STOX2: variants seen among roughly 807,000 people sequenced by gnomAD.
The protein encoded by STOX2 is storkhead-box protein 2.
Under a neutral mutation model 60.9 loss-of-function variants are expected in STOX2, and 28 were observed. That is an observed-to-expected ratio of 0.46 (90% CI 0.34 to 0.63). The LOEUF (loss-of-function observed/expected upper bound fraction) is 0.63, where lower values mean the gene tolerates loss of function less well. Ranked by LOEUF, STOX2 falls within the 30% of genes least tolerant of loss-of-function variation. The pLI is 0.01. For synonymous variants in STOX2, 472 were observed against 463.9 expected, an observed-to-expected ratio of 1.02 and a Z score of -0.22; for missense variants, 1,024 against 1,187.7, an observed-to-expected ratio of 0.86 and a Z score of 2.03.
chr4:183,951,129 T>TG (rs1354935491), intron 1 of STOX2, among the ~76,000 whole-genome samples: 11 of 144,750 alleles, frequency 7.6e-5, no homozygotes, highest in East Asian at 4.1e-4. Flanking sequence ...GGCAGGAGAA[T>TG]GGGTGAACCC....
Position 184,017,382 on chromosome 4 carries a change from C to T in STOX2, c.*98C>T. The T allele has an allele frequency of 7.9e-7, 1 of 1,260,878 alleles. No homozygotes were observed. The highest frequency in any genetic ancestry group is 1.1e-6 in the Non-Finnish European group (1 of 928,702). 78.1% of individuals were successfully genotyped at this position (1,260,878 alleles called of 1,614,324 possible). ...TCTTTGGAAAGACAAGCATCTCAACCACAGTTTTTGTGTTTACTTAAACTG... is the reference window on the plus strand; with the variant it reads ...TCTTTGGAAAGACAAGCATCTCAACTACAGTTTTTGTGTTTACTTAAACTG... On this transcript the variant is annotated 3_prime_UTR_variant, in exon 4 of 4. Transcript: ENST00000308497.
intron 1 of STOX2, among the ~76,000 whole-genome samples, chr4:183,858,214 C>T (rs1004839459): frequency 6.6e-6 from 1 of 152,260 alleles, no homozygotes; most frequent in African/African-American, 2.4e-5. Context: ...ATCCACACTT[C>T]AGACAAAGCA....
chr4:183,803,806 C>G (rs1040192598), intron 1 of STOX2, among the ~76,000 whole-genome samples: 14 of 152,032 alleles, frequency 9.2e-5, no homozygotes, highest in Non-Finnish European at 1.8e-4. Context: ...CTACTAAAAA[C>G]ACAAAAATTA....
rs757146100 is a variant in STOX2 at position 183,807,011 on chromosome 4, C to T, written c.364+8956C>T. ...TTTTTGAGACGGAGTCTTGCTCTGT[C>T]GCCCAGGCTGGAGTGCAGTGGCGCG... On this transcript the variant is annotated intron_variant, in intron 1 of 2. Transcript: ENST00000513034. 4.6e-5 allele frequency among the ~76,000 whole-genome samples: 7 copies of T among 151,962 alleles called. No homozygotes were observed. In the East Asian group the frequency reaches 9.7e-4, roughly 21 times the overall value.
intron 1 of STOX2, among the ~76,000 whole-genome samples, chr4:183,974,509 G>A (rs528342300): frequency 5.9e-5 from 9 of 152,166 alleles, no homozygotes; most frequent in East Asian, 5.8e-4. Flanking sequence ...TGAAATGAAT[G>A]TGTTAAAAGT....
At chr4:183,900,336 C>T (rs140866993), upstream of STOX2, among the ~76,000 whole-genome samples, 8 of 152,158 alleles carry the variant, frequency 5.3e-5, no homozygotes, top group East Asian at 1.5e-3. Context: ...TTAAGAAATA[C>T]GTTTCATGAG....
At chr4:183,874,699 G>A (rs1740772180) in intron 1 of STOX2, among the ~76,000 whole-genome samples, 1 of 151,134 alleles carries the variant, frequency 6.6e-6, no homozygotes, top group East Asian at 2.0e-4. Flanking sequence ...GGCCGAGGCG[G>A]GCGGATCACG....
chr4:183,869,788 G>C (rs1740646291), intron 1 of STOX2, among the ~76,000 whole-genome samples: 1 of 152,142 alleles, frequency 6.6e-6, no homozygotes, highest in African/African-American at 2.4e-5. Flanking sequence ...ACCATTCTTT[G>C]GAAGTTCCCA....
At position 183,841,746 on chromosome 4, in the gene STOX2, G is replaced by A. The variant is rs375565459; in HGVS notation, c.364+43691G>A. On this transcript the variant is annotated intron_variant, in intron 1 of 2. Transcript: ENST00000513034. The stretch of plus-strand genomic sequence containing the variant: ...AATACATGCCAGATGATTATACAGA[G>A]CAACTCTTATTTTAGGAATTTCTTA... Among the ~76,000 whole-genome samples, 4 of 152,182 alleles carry A rather than the reference G, an allele frequency of 2.6e-5. No individual in the cohort carries two copies. The East Asian group carries it at 7.7e-4, about 29-fold the overall frequency.
In STOX2 at chr4:183,977,782, T is replaced by C. The variant is rs375236989; in HGVS notation, c.167-23543T>C. On this transcript the variant is annotated intron_variant, in intron 1 of 3. Transcript: ENST00000308497. ...ATCACCATACTATTTTCCATAGAGGTTGTACTAATTTACATTCCCACAGAC... is the reference window on the plus strand; with the variant it reads ...ATCACCATACTATTTTCCATAGAGGCTGTACTAATTTACATTCCCACAGAC... 6.7e-4 allele frequency among the ~76,000 whole-genome samples: 102 copies of C among 152,312 alleles called. 2 individuals are homozygous for C. The highest frequency in any genetic ancestry group is 2.2e-3 in the African/African-American group (91 of 41,578).
intron 1 of STOX2, among the ~76,000 whole-genome samples, chr4:183,888,135 A>G (rs1741125088): frequency 6.6e-6 from 1 of 152,122 alleles, no homozygotes; most frequent in South Asian, 2.1e-4. Flanking sequence ...CGGGAGGAAA[A>G]TATGGTGTTG....
chr4:183,872,750 C>G (rs1029599442), intron 1 of STOX2, among the ~76,000 whole-genome samples: 1 of 152,078 alleles, frequency 6.6e-6, no homozygotes, highest in Non-Finnish European at 1.5e-5. Flanking sequence ...AAATTGATGG[C>G]TCTGGTCCTC....
chr4:183,803,876 T>C (rs990539053), intron 1 of STOX2, among the ~76,000 whole-genome samples: 17 of 152,002 alleles, frequency 1.1e-4, no homozygotes, highest in African/African-American at 3.6e-4. Flanking sequence ...GGCAGGAGAA[T>C]CGCTTGAACC....
intron 1 of STOX2, among the ~76,000 whole-genome samples, chr4:183,855,696 C>G (rs909610758): frequency 6.6e-6 from 1 of 152,098 alleles, no homozygotes; most frequent in African/African-American, 2.4e-5. Flanking sequence ...GAAAAGAAAG[C>G]GCTAAGTAGG....
chr4:184,014,841 C>A (rs1203644806), intron 3 of STOX2: 3 of 152,284 alleles, frequency 2.0e-5, no homozygotes, highest in African/African-American at 7.2e-5. Flanking sequence ...GACCCCAGCT[C>A]AGATCATGTA....
At chr4:183,820,605 C>T (rs566269510) in intron 1 of STOX2, among the ~76,000 whole-genome samples, 2 of 152,288 alleles carry the variant, frequency 1.3e-5, no homozygotes, top group African/African-American at 4.8e-5. Context: ...TTCTTTTGAT[C>T]TGTCTGCTTA....
intron 1 of STOX2, among the ~76,000 whole-genome samples, chr4:183,872,497 A>G (rs1740716199): frequency 6.6e-6 from 1 of 152,246 alleles, no homozygotes; most frequent in Non-Finnish European, 1.5e-5. Flanking sequence ...TATTTAAAAA[A>G]AAATCACAAG....
intron 1 of STOX2, among the ~76,000 whole-genome samples, chr4:183,810,841 T>C (rs924892806): frequency 5.9e-5 from 9 of 152,164 alleles, no homozygotes; most frequent in Admixed American, 5.2e-4. Flanking sequence ...GATATACTTC[T>C]GTTGTTCATA....
intron 1 of STOX2, among the ~76,000 whole-genome samples, chr4:183,968,343 TACACACACAC>T (rs60432446): frequency 0.19 from 27,924 of 145,558 alleles, 3,224 homozygotes; most frequent in Middle Eastern, 0.33. Context: ...TGCATATACC[TACACACACAC>T]ACACACACAC....
Sources: gnomAD v4.1 joint callset for allele counts (sites outside exome capture counted in the v4.1 genomes callset) on GRCh38, gnomAD v4.1.1 for gene constraint, MANE v1.5 for transcripts, NCBI Gene and HGNC (gene_info 2026-07-23, HGNC 2026-07-21) for gene names.